EEF2K: variants seen among roughly 807,000 people sequenced by gnomAD.
EEF2K encodes the protein eukaryotic elongation factor 2 kinase, also known as alternative protein EEF2K.
A neutral mutation model predicts 93.8 loss-of-function variants in EEF2K; 70 were observed. The ratio of observed to expected loss-of-function variants is 0.75; its 90% CI spans 0.62 to 0.91. The LOEUF is 0.91. EEF2K is among the 40% of genes least tolerant of loss of function. The pLI, the probability that EEF2K is intolerant of heterozygous loss-of-function variation, is 0.00. For missense variants in EEF2K, 935 were observed against 972.9 expected (o/e 0.96, Z 0.52); for synonymous variants, 376 against 380.8 (o/e 0.99, Z 0.15).
chr16:22,226,802 G>A (rs769418297), intron 2 of EEF2K, among the ~76,000 whole-genome samples: 2 of 152,270 alleles, frequency 1.3e-5, no homozygotes, highest in East Asian at 1.9e-4. Context: ...TAGGTCAGGC[G>A]TGGTGTCTCA....
In EEF2K at chr16:22,227,298, A is replaced by G. The variant is rs547944634; in HGVS notation, c.246+1323A>G. ...GAATACAGTGGTGGGATCTCGGCTC[A>G]CTGAAACGTCCGCCTCCTGGGTTCA... On this transcript the variant is annotated intron_variant, in intron 2 of 17. Coordinates refer to ENST00000263026, the MANE Select transcript of EEF2K (RefSeq NM_013302.5). Among the ~76,000 whole-genome samples, 19 of 151,570 alleles carry G rather than the reference A, an allele frequency of 1.3e-4. 1 individual carries two copies. The South Asian group carries it at 4.0e-3, about 32-fold the overall frequency.
At chr16:22,263,331 G>A (rs182917824) in intron 12 of EEF2K, 144 bp downstream of exon 12, 21 of 671,286 alleles carry the variant, frequency 3.1e-5, no homozygotes, top group Admixed American at 2.0e-4. Context: ...ATTTCAGGCC[G>A]GTCATGGTGG....
chr16:22,248,681 T>C, intron 3 of EEF2K, 74 bp from the exon 4 acceptor site: 1 of 1,578,994 alleles, frequency 6.3e-7, no homozygotes, highest in Non-Finnish European at 8.7e-7. Flanking sequence ...CCCAGAAGGG[T>C]CTTTGACCTT....
At chr16:22,218,114 C>T (rs1207588460) in intron 1 of EEF2K, among the ~76,000 whole-genome samples, 1 of 152,210 alleles carries the variant, frequency 6.6e-6, no homozygotes, top group African/African-American at 2.4e-5. Context: ...ACTGTAATCA[C>T]ATGACCACCT....
In EEF2K at chr16:22,260,475, C is replaced by T. The variant is rs1463454419; in HGVS notation, c.1245C>T (p.Phe415=). 6.2e-7 allele frequency: 1 copy of T among 1,614,116 alleles called. No individual in the cohort carries two copies. Among genetic ancestry groups the T allele is most frequent in the South Asian group, 1.1e-5 (1 of 91,072 alleles). The part of the protein sequence containing the change: ...QKLDHLHWPV[F]SDLDNMASRD... ...CTCCCTGCCCAGATTGGCCAGTGTTCAGTGACCTCGATAACATGGCATCCA... is the reference window on the plus strand; with the variant it reads ...CTCCCTGCCCAGATTGGCCAGTGTTTAGTGACCTCGATAACATGGCATCCA... The change falls in exon 11 of 18, where the codon TTC becomes TTT. Residue 415 remains phenylalanine (F), a synonymous_variant. Transcript: ENST00000263026.
At chr16:22,216,250 A>G (rs1350015894) in intron 1 of EEF2K, among the ~76,000 whole-genome samples, 1 of 152,212 alleles carries the variant, frequency 6.6e-6, no homozygotes, top group Admixed American at 6.5e-5. Flanking sequence ...AGCCCTCAAC[A>G]GCCTAGCGCT....
chr16:22,235,958 T>C (rs1172382229), intron 2 of EEF2K, among the ~76,000 whole-genome samples: 1 of 151,932 alleles, frequency 6.6e-6, no homozygotes, highest in Non-Finnish European at 1.5e-5. Context: ...CCATCACGCC[T>C]GGCTAATTTT....
intron 1 of EEF2K, among the ~76,000 whole-genome samples, chr16:22,216,271 G>A (rs768278095): frequency 5.3e-5 from 8 of 152,144 alleles, no homozygotes; most frequent in Non-Finnish European, 1.0e-4. Context: ...GTGTAGTTCC[G>A]CTCCCTTAAG....
intron 6 of EEF2K, among the ~76,000 whole-genome samples, chr16:22,256,483 C>T (rs1326533494): frequency 6.6e-6 from 1 of 152,166 alleles, no homozygotes; most frequent in Non-Finnish European, 1.5e-5. Context: ...GATTCACCTG[C>T]CTCAGCCTCC....
In EEF2K at chr16:22,225,771, TGGC is replaced by T. The variant is rs2047056598; in HGVS notation, c.46_48del (p.Gly16del). Reference sequence around the variant, plus strand: ...TCATCTTCCGCCTGGAAGGCGTTGATGGCGGCCAGTCCCCCCGAGCTGGCCATG... The same window carrying T: ...TCATCTTCCGCCTGGAAGGCGTTGATGGCCAGTCCCCCCGAGCTGGCCATG... On this transcript the variant is annotated inframe_deletion, in exon 2 of 18. Coordinates refer to ENST00000263026, the MANE Select transcript of EEF2K (RefSeq NM_013302.5). 1 of 1,614,072 alleles carries T rather than the reference TGGC, an allele frequency of 6.2e-7. No homozygotes were observed. The highest frequency in any genetic ancestry group is 8.5e-7 in the Non-Finnish European group (1 of 1,180,040).
intron 2 of EEF2K, among the ~76,000 whole-genome samples, chr16:22,231,998 C>CAAACAAA (rs764968008): frequency 1.5e-5 from 1 of 66,000 alleles, no homozygotes; most frequent in African/African-American, 6.0e-5. Context: ...CTTAAACAAA[C>CAAACAAA]AAAAAAAAAA....
intron 11 of EEF2K, among the ~76,000 whole-genome samples, chr16:22,262,274 G>A (rs533427149): frequency 2.6e-5 from 4 of 152,272 alleles, no homozygotes; most frequent in Admixed American, 6.5e-5. Flanking sequence ...CACTTTGGGA[G>A]TCCAAGGCAG....
At chr16:22,217,940 A>G (rs1397978444) in intron 1 of EEF2K, among the ~76,000 whole-genome samples, 1 of 151,956 alleles carries the variant, frequency 6.6e-6, no homozygotes, top group East Asian at 1.9e-4. Flanking sequence ...ATCGCTATTC[A>G]TTTTTCTCTT....
chr16:22,273,549 G>C, intron 15 of EEF2K, 77 bp from the exon 16 acceptor site: 1 of 1,569,456 alleles, frequency 6.4e-7, no homozygotes, highest in Non-Finnish European at 8.7e-7. Context: ...GGTGAAGATT[G>C]AGTAGTGAGA....
rs1200723903 is a variant in EEF2K, at chr16:22,260,519, A to G, written c.1289A>G (p.Asp430Gly). ...GCATCCAGAGACCATGATCATCTAG[A>G]CAACCACCGGGTGAGTGTGAAGGGA... ...NMASRDHDHL[D>G]NHRESENSGD... is the part of the protein sequence containing the mutation. The change falls in exon 11 of 18, where the codon GAC (aspartate) becomes GGC (glycine). Residue 430 changes from aspartate to glycine, a missense_variant. Asp to Gly is a moderately conservative substitution (Grantham distance 94). Transcript: ENST00000263026. 1 of 1,614,050 alleles carries G rather than the reference A, an allele frequency of 6.2e-7. No individual in the cohort carries two copies. Among genetic ancestry groups the G allele is most frequent in the Admixed American group, 1.7e-5 (1 of 60,012 alleles).
At chr16:22,278,559 C>A (rs1176599107) in intron 16 of EEF2K, among the ~76,000 whole-genome samples, 1 of 152,094 alleles carries the variant, frequency 6.6e-6, no homozygotes, top group Non-Finnish European at 1.5e-5. Flanking sequence ...AAACAGGAGA[C>A]CGTCCTGGAG....
At chr16:22,269,613 G>A (rs557337011) in intron 15 of EEF2K, among the ~76,000 whole-genome samples, 1 of 152,102 alleles carries the variant, frequency 6.6e-6, no homozygotes, top group South Asian at 2.1e-4. Flanking sequence ...TGTTGGCCAG[G>A]CTGGTCTTGA....
At position 22,286,225 on chromosome 16, in the gene EEF2K, G is replaced by C. The variant is rs1213669594; in HGVS notation, c.*2229G>C. 1 of 152,124 alleles carries C rather than the reference G, an allele frequency of 6.6e-6. No homozygotes were observed. The highest frequency in any genetic ancestry group is 1.5e-5 in the Non-Finnish European group (1 of 68,018). The allele number at this position is 152,124 out of a possible 1,614,324, so 9.4% of individuals were successfully genotyped here. On this transcript the variant is annotated 3_prime_UTR_variant, in exon 18 of 18. Coordinates refer to ENST00000263026, the MANE Select transcript of EEF2K (RefSeq NM_013302.5). ...GTCATCTGTACCAGATCAGTAGTTG[G>C]CTTGTGTTACATTTTGTGTGTGTGT...
At chr16:22,259,431 G>A (rs1324547965) in intron 10 of EEF2K, among the ~76,000 whole-genome samples, 1 of 152,208 alleles carries the variant, frequency 6.6e-6, no homozygotes, top group Non-Finnish European at 1.5e-5. Flanking sequence ...AAGCCCTTTA[G>A]ATGTTTCCAC....
Sources: gnomAD v4.1 joint callset for allele counts (sites outside exome capture counted in the v4.1 genomes callset) on GRCh38, gnomAD v4.1.1 for gene constraint, MANE v1.5 for transcripts, NCBI Gene and HGNC (gene_info 2026-07-23, HGNC 2026-07-21) for gene names.